MAPK8: variants seen among roughly 807,000 people sequenced by gnomAD.
The protein encoded by MAPK8 is mitogen-activated protein kinase 8, also known as JUN N-terminal kinase.
In MAPK8, 13 loss-of-function variants were observed where a neutral mutation model predicts 52.9. The observed-to-expected ratio is 0.25, with a 90% CI of 0.16 to 0.39. MAPK8 has a LOEUF of 0.39. Ranked by LOEUF, MAPK8 falls within the 10% of genes least tolerant of loss-of-function variation. MAPK8 has a pLI of 1.00. For synonymous variants in MAPK8, 191 were observed against 169.8 expected (o/e 1.12, Z -0.97); for missense variants, 300 against 519.2 (o/e 0.58, Z 4.10).
intron 1 of MAPK8, among the ~76,000 whole-genome samples, chr10:48,332,047 G>A (rs1225281941): frequency 3.3e-5 from 5 of 152,122 alleles, no homozygotes; most frequent in South Asian, 2.1e-4. Flanking sequence ...TAACACCCTT[G>A]AGATAAAGTG....
At chr10:48,424,050 T>G in intron 6 of MAPK8, 38 bp from the exon 7 acceptor site, 1 of 1,540,406 alleles carries the variant, frequency 6.5e-7, no homozygotes, top group Non-Finnish European at 8.9e-7. Context: ...AATGACCTTT[T>G]GCTTTGCTTT....
intron 1 of MAPK8, among the ~76,000 whole-genome samples, chr10:48,375,840 T>G: frequency 6.6e-6 from 1 of 152,148 alleles, no homozygotes; most frequent in East Asian, 1.9e-4. Context: ...TTCATTGATA[T>G]CCCCATCAAA....
Position 48,401,602 on chromosome 10 carries a change from C to T in MAPK8, c.-49-10C>T. 2 of 1,580,926 alleles carry T rather than the reference C, an allele frequency of 1.3e-6. No homozygotes were observed. The highest frequency in any genetic ancestry group is 1.7e-6 in the Non-Finnish European group (2 of 1,159,384). On this transcript the variant is annotated splice_polypyrimidine_tract_variant and intron_variant, in intron 1 of 11. Transcript: ENST00000374189. ...ATTTTGTTAACATCATGTTTTGTTGCATCTTGCAGCTTCTTGGTGAATTTT... is the reference window on the plus strand; with the variant it reads ...ATTTTGTTAACATCATGTTTTGTTGTATCTTGCAGCTTCTTGGTGAATTTT...
intron 11 of MAPK8, among the ~76,000 whole-genome samples, chr10:48,433,130 T>G (rs938741880): frequency 6.6e-6 from 1 of 152,208 alleles, no homozygotes; most frequent in Non-Finnish European, 1.5e-5. Context: ...AGACTAAAGA[T>G]TTTCCATATT....
At chr10:48,325,181 G>C (rs1564482501) in intron 1 of MAPK8, among the ~76,000 whole-genome samples, 1 of 151,896 alleles carries the variant, frequency 6.6e-6, no homozygotes, top group Non-Finnish European at 1.5e-5. Flanking sequence ...TCACCATATT[G>C]GCCAGGCTGG....
At chr10:48,383,328 T>G (rs528704475) in intron 1 of MAPK8, among the ~76,000 whole-genome samples, 1 of 152,348 alleles carries the variant, frequency 6.6e-6, no homozygotes, top group South Asian at 2.1e-4. Flanking sequence ...CTCTAGGGTT[T>G]CAGCTGATGG....
At chr10:48,344,060 T>A (rs983661037) in intron 1 of MAPK8, among the ~76,000 whole-genome samples, 2 of 152,210 alleles carry the variant, frequency 1.3e-5, no homozygotes, top group Admixed American at 6.5e-5. Flanking sequence ...CTCCACTCTG[T>A]CCCATTTAGC....
At chr10:48,328,977 C>T (rs1843820920) in intron 1 of MAPK8, among the ~76,000 whole-genome samples, 1 of 152,190 alleles carries the variant, frequency 6.6e-6, no homozygotes, top group African/African-American at 2.4e-5. Flanking sequence ...GCGTTTCCAA[C>T]TTTAGCTTCA....
intron 1 of MAPK8, among the ~76,000 whole-genome samples, chr10:48,328,724 T>A (rs1305529358): frequency 6.6e-6 from 1 of 152,222 alleles, no homozygotes; most frequent in Non-Finnish European, 1.5e-5. Context: ...GTCTTAAAAC[T>A]TGTCTTAAAA....
Position 48,431,249 on chromosome 10 carries a change from C to G in MAPK8, c.1117C>G (p.Arg373Gly). The part of the protein sequence containing the change: ...LEERTKNGVI[R>G]GQPSPLGAAV... ...GGAGAGAACCAAGAATGGAGTTATA[C>G]GGGGGCAGCCCTCTCCTTTAGGTTG... is the stretch of plus-strand genomic sequence containing the variant. Residue 373 changes from arginine to glycine, a missense_variant, in exon 11 of 12, where the codon CGG becomes GGG. Coordinates refer to ENST00000374189, the MANE Select transcript of MAPK8 (RefSeq NM_001323329.2). 1 of 1,610,944 alleles carries G rather than the reference C, an allele frequency of 6.2e-7. No individual in the cohort carries two copies. The highest frequency in any genetic ancestry group is 8.5e-7 in the Non-Finnish European group (1 of 1,177,266).
intron 1 of MAPK8, among the ~76,000 whole-genome samples, chr10:48,395,411 G>A (rs975073298): frequency 6.6e-6 from 1 of 151,940 alleles, no homozygotes; most frequent in African/African-American, 2.4e-5. Context: ...GAGGAAACTG[G>A]TAATCTTTTT....
chr10:48,413,258 CA>C (rs1309205325), intron 5 of MAPK8, among the ~76,000 whole-genome samples: 1 of 151,916 alleles, frequency 6.6e-6, no homozygotes, highest in Non-Finnish European at 1.5e-5. Context: ...CATGGTTGTC[CA>C]AATATCTCTT....
chr10:48,320,210 C>CT (rs1842868355), intron 1 of MAPK8, among the ~76,000 whole-genome samples: 1 of 30,380 alleles, frequency 3.3e-5, no homozygotes, highest in South Asian at 7.5e-4. Flanking sequence ...CACTGCTCGG[C>CT]CTTTTTTTTT....
rs577888702 is a variant in MAPK8 at position 48,437,566 on chromosome 10, A to T, written c.*2537A>T. ...CTGTACCAATGTCTTCCTGGTTACT[A>T]TTCTCTTCCCTCTAATATATACTGG... On this transcript the variant is annotated 3_prime_UTR_variant, in exon 12 of 12. Transcript: ENST00000374189. 1 of 150,964 alleles carries T rather than the reference A, an allele frequency of 6.6e-6. No homozygotes were observed. The highest frequency in any genetic ancestry group is 2.0e-4 in the East Asian group (1 of 5,118). The allele number at this position is 150,964 out of a possible 1,614,324, so 9.4% of individuals were successfully genotyped here.
intron 3 of MAPK8, among the ~76,000 whole-genome samples, chr10:48,405,957 A>G (rs1039340264): frequency 2.0e-5 from 3 of 152,208 alleles, no homozygotes; most frequent in African/African-American, 7.2e-5. Flanking sequence ...GGTGTTTTGA[A>G]TACAAAACAG....
chr10:48,390,681 A>G (rs1004152818), intron 1 of MAPK8, among the ~76,000 whole-genome samples: 3 of 152,230 alleles, frequency 2.0e-5, no homozygotes, highest in Middle Eastern at 3.2e-3. Context: ...GGTCAGCCTG[A>G]TATATAAAGA....
chr10:48,320,526 C>A (rs910549048), intron 1 of MAPK8, among the ~76,000 whole-genome samples: 7 of 152,098 alleles, frequency 4.6e-5, no homozygotes, highest in African/African-American at 1.7e-4. Context: ...AGGCATGAAC[C>A]ACAGTGCCTG....
intron 2 of MAPK8, among the ~76,000 whole-genome samples, chr10:48,403,583 G>A (rs2042273762): frequency 6.6e-6 from 1 of 152,036 alleles, no homozygotes; most frequent in Non-Finnish European, 1.5e-5. Flanking sequence ...AATTATAGAA[G>A]TTGGAGTCAT....
intron 1 of MAPK8, among the ~76,000 whole-genome samples, chr10:48,334,981 G>A (rs944210274): frequency 1.3e-5 from 2 of 152,076 alleles, no homozygotes; most frequent in African/African-American, 4.8e-5. Context: ...TTATACCCCA[G>A]TCCCCTTCCT....
Sources: gnomAD v4.1 joint callset for allele counts (sites outside exome capture counted in the v4.1 genomes callset) on GRCh38, gnomAD v4.1.1 for gene constraint, MANE v1.5 for transcripts, NCBI Gene and HGNC (gene_info 2026-07-23, HGNC 2026-07-21) for gene names.